SIAH1: variants seen among roughly 807,000 people sequenced by gnomAD.
SIAH1 encodes siah E3 ubiquitin protein ligase 1, also known as E3 ubiquitin-protein ligase SIAH1.
In SIAH1, 2 loss-of-function variants were observed where a neutral mutation model predicts 20.0. The observed-to-expected ratio is 0.10, with a 90% CI of 0.04 to 0.31. The LOEUF is 0.31. SIAH1 is among the 10% of genes least tolerant of loss of function. The pLI, the probability that SIAH1 is intolerant of heterozygous loss-of-function variation, is 1.00. For missense variants in SIAH1, 119 were observed against 355.3 expected, an observed-to-expected ratio of 0.33 and a Z score of 5.35; for synonymous variants, 118 against 125.3, an observed-to-expected ratio of 0.94 and a Z score of 0.39.
rs1050993677 is a variant in SIAH1 at position 48,362,362 on chromosome 16, G to A, written c.67C>T (p.Pro23Ser). The A allele has an allele frequency of 6.2e-7, 1 of 1,614,182 alleles. No homozygotes were observed. Among genetic ancestry groups the A allele is most frequent in the Non-Finnish European group, 8.5e-7 (1 of 1,180,018 alleles). The part of the protein sequence containing the change: ...TSKCPPSQRV[P>S]ALTGTTASNN... Reference sequence around the variant, plus strand: ...GATGCAGTTGTGCCAGTCAGGGCAGGCACCCTCTGGGATGGTGGACACTTC... The same window carrying A: ...GATGCAGTTGTGCCAGTCAGGGCAGACACCCTCTGGGATGGTGGACACTTC... Residue 23 changes from proline to serine, a missense_variant, in exon 2 of 2, where the codon CCT (proline) becomes TCT (serine). Pro to Ser is a moderately conservative substitution (Grantham distance 74). Around this residue, in one of 2 missense-constraint regions of SIAH1, gnomAD observed 35 missense variants for 47.5 expected, o/e 0.74. Coordinates refer to ENST00000394725, the MANE Select transcript of SIAH1 (RefSeq NM_003031.4). This position sits in a 1 kb window ranked among gnomAD's most constrained non-coding sequence, Gnocchi z 4.2.
Position 48,361,417 on chromosome 16 carries a change from T to C in SIAH1, c.*163A>G, listed in dbSNP as rs1418827214. ...TTATTTTTAAATATATTAGTGTTAC[T>C]ACATGCAACTGTTTCCTGTATTTAA... On this transcript the variant is annotated 3_prime_UTR_variant, in exon 2 of 2. Transcript: ENST00000394725. The C allele has an allele frequency of 4.7e-6, 3 of 642,040 alleles. No individual in the cohort carries two copies. The highest frequency in any genetic ancestry group is 5.4e-6 in the Non-Finnish European group (2 of 372,248). 39.8% of individuals were successfully genotyped at this position (642,040 alleles called of 1,614,324 possible).
chr16:48,367,293 C>A (rs1177620214), intron 1 of SIAH1, among the ~76,000 whole-genome samples: 1 of 152,178 alleles, frequency 6.6e-6, no homozygotes, highest in East Asian at 1.9e-4. Context: ...ATGTATACAA[C>A]AAAAAGATGA....
In SIAH1 at chr16:48,380,280, T is replaced by C. The variant is rs145975140; in HGVS notation, c.-3+4924A>G. On this transcript the variant is annotated intron_variant, in intron 1 of 1. Coordinates refer to ENST00000394725, the MANE Select transcript of SIAH1 (RefSeq NM_003031.4). Reference sequence around the variant, plus strand: ...ATGGCGAAACCCCGTCTCTACTAAATATACAAAAATTAGCCGAGCACGGTG... The same window carrying C: ...ATGGCGAAACCCCGTCTCTACTAAACATACAAAAATTAGCCGAGCACGGTG... Among the ~76,000 whole-genome samples, 437 of 150,302 alleles carry C rather than the reference T, an allele frequency of 2.9e-3. 3 individuals are homozygous for C. The highest frequency in any genetic ancestry group is 1.0e-2 in the African/African-American group (408 of 40,922).
chr16:48,370,064 T>C (rs1414000951), intron 1 of SIAH1, among the ~76,000 whole-genome samples: 1 of 152,248 alleles, frequency 6.6e-6, no homozygotes, highest in Non-Finnish European at 1.5e-5. Context: ...TATTCAATGA[T>C]GTAAGTGAAA....
intron 1 of SIAH1, chr16:48,364,708 T>TA (rs1436373440): frequency 6.6e-6 from 1 of 152,274 alleles, no homozygotes; most frequent in Non-Finnish European, 1.5e-5. Flanking sequence ...ACCCTGGCTG[T>TA]ATGCTGTATG....
Position 48,362,027 on chromosome 16 carries a change from G to A in SIAH1, c.402C>T (p.Ser134=), listed in dbSNP as rs372892939. ...RPYSCPCPGA[S]CKWQGSLDAV... is the part of the protein sequence containing the mutation. ...CATCCAGAGAGCCTTGCCATTTACAGGAAGCACCAGGGCACGGACAGGAAT... is the reference window on the plus strand; with the variant it reads ...CATCCAGAGAGCCTTGCCATTTACAAGAAGCACCAGGGCACGGACAGGAAT... Residue 134 remains serine (S), a synonymous_variant, in exon 2 of 2, where the codon TCC becomes TCT. Transcript: ENST00000394725. This position sits in a 1 kb window ranked among gnomAD's most constrained non-coding sequence, Gnocchi z 4.2. 2.5e-6 allele frequency: 4 copies of A among 1,614,180 alleles called. No homozygotes were observed. The highest frequency in any genetic ancestry group is 2.5e-6 in the Non-Finnish European group (3 of 1,180,024).
At chr16:48,373,288 T>C (rs1961028319) in intron 1 of SIAH1, among the ~76,000 whole-genome samples, 1 of 152,182 alleles carries the variant, frequency 6.6e-6, no homozygotes, top group Non-Finnish European at 1.5e-5. Flanking sequence ...TCCAGATTTG[T>C]CTGAAACCCC....
At chr16:48,380,897 C>G (rs1416915858) in intron 1 of SIAH1, among the ~76,000 whole-genome samples, 1 of 114,104 alleles carries the variant, frequency 8.8e-6, no homozygotes. Flanking sequence ...CCATTGCACT[C>G]CAGCCTGGGC....
At chr16:48,368,317 AG>A (rs1960893237) in intron 1 of SIAH1, among the ~76,000 whole-genome samples, 1 of 152,240 alleles carries the variant, frequency 6.6e-6, no homozygotes, top group Non-Finnish European at 1.5e-5. Flanking sequence ...TGCTTTATAA[AG>A]ATTAGTCTGA....
At chr16:48,370,277 C>A (rs1960949904) in intron 1 of SIAH1, among the ~76,000 whole-genome samples, 2 of 152,050 alleles carry the variant, frequency 1.3e-5, no homozygotes, top group Admixed American at 1.3e-4. Context: ...CTCCTTAACC[C>A]CTCTATATAA....
At chr16:48,365,913 T>TA (rs1960818379) in intron 1 of SIAH1, 2 of 1,227,482 alleles carry the variant, frequency 1.6e-6, no homozygotes, top group Non-Finnish European at 2.0e-6. Context: ...GGGAGAGCCA[T>TA]TTGGAGCCTC....
chr16:48,365,937 C>A (rs1366138757), intron 1 of SIAH1: 4 of 1,212,762 alleles, frequency 3.3e-6, no homozygotes, highest in Non-Finnish European at 2.0e-6. Flanking sequence ...CGGGGCTGGG[C>A]CTGCGTTGGG....
At chr16:48,375,970 T>A (rs1277665797) in intron 1 of SIAH1, among the ~76,000 whole-genome samples, 1 of 152,180 alleles carries the variant, frequency 6.6e-6, no homozygotes, top group Non-Finnish European at 1.5e-5. Flanking sequence ...AAACAGAGAC[T>A]GTCGGCACAA....
At chr16:48,365,575 G>A (rs1960805173) in intron 1 of SIAH1, 4 of 1,508,204 alleles carry the variant, frequency 2.7e-6, no homozygotes, top group South Asian at 2.5e-5. Context: ...CCAAATTCGC[G>A]TCTGAGGTCA....
At chr16:48,365,977 C>G (rs1198894641) in intron 1 of SIAH1, 27 of 1,073,988 alleles carry the variant, frequency 2.5e-5, no homozygotes, top group Non-Finnish European at 3.0e-5. Context: ...GGCGCCAGGG[C>G]CAGTTCAGGG....
At chr16:48,377,744 A>G (rs934886204) in intron 1 of SIAH1, among the ~76,000 whole-genome samples, 1 of 152,008 alleles carries the variant, frequency 6.6e-6, no homozygotes, top group Non-Finnish European at 1.5e-5. Context: ...TACTGGTCAG[A>G]AAGTATTTGA....
rs181816999 is a variant in SIAH1 at position 48,382,029 on chromosome 16, A to G, written c.-3+3175T>C. Among the ~76,000 whole-genome samples, 441 of 152,242 alleles carry G rather than the reference A, an allele frequency of 2.9e-3. 1 individual carries two copies. Among genetic ancestry groups the G allele is most frequent in the Non-Finnish European group, 4.6e-3 (314 of 68,024 alleles). ...AACCTAATGCTGCTCTAAAAAATAA[A>G]GTCAATTAAAAAAATCTGCATAAGG... On this transcript the variant is annotated intron_variant, in intron 1 of 1. Coordinates refer to ENST00000394725, the MANE Select transcript of SIAH1 (RefSeq NM_003031.4).
In SIAH1 at chr16:48,362,733, A is replaced by G. The variant is rs959468460; in HGVS notation, c.-2-303T>C. ...TAAATGCTAAAATAGAAAATGGACC[A>G]TAAACAACTAAAGAAACTATACAAG... On this transcript the variant is annotated intron_variant, in intron 1 of 1. Coordinates refer to ENST00000394725, the MANE Select transcript of SIAH1 (RefSeq NM_003031.4). This position sits in a 1 kb window ranked among gnomAD's most constrained non-coding sequence, Gnocchi z 4.2. 6 of 269,630 alleles carry G rather than the reference A, an allele frequency of 2.2e-5. No homozygotes were observed. Among genetic ancestry groups the G allele is most frequent in the Admixed American group, 1.0e-4 (2 of 19,620 alleles). 16.7% of individuals were successfully genotyped at this position (269,630 alleles called of 1,614,324 possible).
At chr16:48,365,104 T>C (rs1960779958) in intron 1 of SIAH1, 1 of 359,658 alleles carries the variant, frequency 2.8e-6, no homozygotes, top group Non-Finnish European at 5.1e-6. Flanking sequence ...CTAAAGCCTC[T>C]CAAAGCTCCA....
Sources: gnomAD v4.1 joint callset for allele counts (sites outside exome capture counted in the v4.1 genomes callset) on GRCh38, gnomAD v4.1.1 for gene constraint, gnomAD v4.1.1 regional missense constraint, Gnocchi (gnomAD v3.1) non-coding constraint, MANE v1.5 for transcripts, NCBI Gene and HGNC (gene_info 2026-07-23, HGNC 2026-07-21) for gene names.